The following COL5A3 variants were observed in gnomAD, a reference collection of about 807,000 sequenced individuals.
COL5A3 encodes collagen alpha-3(V) chain.
A neutral mutation model predicts 250.0 loss-of-function variants in COL5A3; 172 were observed. The ratio of observed to expected loss-of-function variants is 0.69; its 90% CI spans 0.61 to 0.78. The LOEUF is 0.78. Ranked by LOEUF, COL5A3 falls within the 30% of genes least tolerant of loss-of-function variation. The pLI is 0.00. For missense variants in COL5A3, 2,340 were observed against 2,334.4 expected (o/e 1.00, Z -0.05); for synonymous variants, 937 against 900.4 (o/e 1.04, Z -0.73).
At position 9,969,364 on chromosome 19, in the gene COL5A3, G is replaced by A. The variant is rs761729191; in HGVS notation, c.4137C>T (p.Gly1379=). The A allele has an allele frequency of 1.2e-6, 2 of 1,602,770 alleles. No individual in the cohort carries two copies. The highest frequency in any genetic ancestry group is 2.2e-5 in the East Asian group (1 of 44,632). ...PGLLGAPGQM[G]PPGPLGPSGL... ...AGTCTCTTACCAGGGGGCCAGGAGG[G>A]CCCATCTGTCCAGGGGCTCCCAGGA... The change falls in exon 57 of 67, where the codon GGC becomes GGT. Residue 1379 remains glycine, a synonymous_variant. Coordinates refer to ENST00000264828, the MANE Select transcript of COL5A3 (RefSeq NM_015719.4).
At chr19:10,006,284 T>C in intron 1 of COL5A3, 53 bp from the exon 2 acceptor site, 1 of 1,518,084 alleles carries the variant, frequency 6.6e-7, no homozygotes, top group Non-Finnish European at 8.9e-7. Context: ...ACAGCTAGAA[T>C]AAGCCCAGGA....
Position 9,970,959 on chromosome 19 carries a change from C to T in COL5A3, c.3882+16G>A, listed in dbSNP as rs762915189. On this transcript the variant is annotated intron_variant, in intron 53 of 66. Transcript: ENST00000264828. ...AACCCCCGCCTCAGCACCACACCCT[C>T]TGTTTTCCCACTCACCGGTCCCCCA... 1 of 1,565,620 alleles carries T rather than the reference C, an allele frequency of 6.4e-7. No individual in the cohort carries two copies. The highest frequency in any genetic ancestry group is 8.6e-7 in the Non-Finnish European group (1 of 1,159,414).
rs2087498569 is a variant in COL5A3 at position 10,009,696 on chromosome 19, G to A, written c.88+602C>T. On this transcript the variant is annotated intron_variant, in intron 1 of 66. Transcript: ENST00000264828. This position sits in a 1 kb window ranked among gnomAD's most constrained non-coding sequence, Gnocchi z 4.4. ...GGAGGAAAAGGGAGAATGAGGTGAA[G>A]CCATTTAAAGAGACGCAAAGGAAAC... 2.6e-5 allele frequency among the ~76,000 whole-genome samples: 4 copies of A among 152,034 alleles called. No individual in the cohort carries two copies. The South Asian group carries it at 8.3e-4, about 31-fold the overall frequency.
chr19:9,976,210 C>T (rs1410098211), intron 45 of COL5A3, among the ~76,000 whole-genome samples: 1 of 151,650 alleles, frequency 6.6e-6, no homozygotes, highest in African/African-American at 2.4e-5. Context: ...GTTGAGTTCA[C>T]ATTGGATGTT....
In COL5A3 at chr19:10,005,707, G is replaced by A. The variant is rs868682103; in HGVS notation, c.445C>T (p.Arg149Cys). The A allele has an allele frequency of 1.2e-5, 20 of 1,606,276 alleles. No individual in the cohort carries two copies. In the Middle Eastern group the frequency reaches 9.9e-4, roughly 79 times the overall value. The change falls in exon 4 of 67, where the codon CGT becomes TGT. Residue 149 changes from arginine to cysteine, a missense_variant. By Grantham distance (180) the Arg-to-Cys change is radical (BLOSUM62 -3). This residue lies in a region of COL5A3 where 1,152 missense variants were observed against 1,146.3 expected (regional missense o/e 1.00). Coordinates refer to ENST00000264828, the MANE Select transcript of COL5A3 (RefSeq NM_015719.4). The stretch of plus-strand genomic sequence containing the variant: ...TCACCATCTATGCTGACGGCCACAC[G>A]GTGCCACCTGCAAGGGGACGGCCTC... ...QVNLTDGRWH[R>C]VAVSIDGEMV...
intron 11 of COL5A3, 97 bp downstream of exon 11, chr19:9,997,274 C>T (rs748067748): frequency 1.2e-4 from 106 of 908,890 alleles, no homozygotes; most frequent in Non-Finnish European, 1.6e-4. Context: ...ATGGTGTTCC[C>T]GAGTGCCACA....
At position 9,974,378 on chromosome 19, in the gene COL5A3, G is replaced by C; in HGVS notation, c.3373C>G (p.Pro1125Ala). Residue 1125 changes from proline to alanine, a missense_variant, in exon 46 of 67, where the codon CCC becomes GCC. Transcript: ENST00000264828. ...CCTTTCTGCCCAAAGAGGCCTGGGG[G>C]TCCCCGGCGCCCCTGAGCCCCGTCT... ...GADGAQGRRG[P>A]PGLFGQKGDD... The C allele has an allele frequency of 6.2e-7, 1 of 1,609,716 alleles. No individual in the cohort carries two copies. Among genetic ancestry groups the C allele is most frequent in the East Asian group, 2.2e-5 (1 of 44,828 alleles).
At chr19:9,973,058 C>G in intron 50 of COL5A3, 32 bp from the exon 51 acceptor site, 1 of 1,553,526 alleles carries the variant, frequency 6.4e-7, no homozygotes, top group Non-Finnish European at 8.8e-7. Context: ...GTCAGAGTGG[C>G]CTGGACTCTC....
intron 16 of COL5A3, among the ~76,000 whole-genome samples, chr19:9,994,318 A>G (rs1235408016): frequency 2.0e-5 from 3 of 151,494 alleles, no homozygotes; most frequent in African/African-American, 4.9e-5. Context: ...AGCTGGGACT[A>G]CAAGTGCACA....
intron 31 of COL5A3, among the ~76,000 whole-genome samples, chr19:9,983,475 A>G (rs1053916908): frequency 2.0e-5 from 3 of 151,392 alleles, no homozygotes; most frequent in African/African-American, 7.3e-5. Context: ...TCCAGCCTGA[A>G]TGACAGAGTG....
chr19:9,993,646 A>T lies in COL5A3; in HGVS notation c.1668T>A (p.Pro556=). Residue 556 remains proline (P), a synonymous_variant, in exon 18 of 67, where the codon CCT becomes CCA. Transcript: ENST00000264828. ...TTTGGCCCTTCTCACCAGGCAGCCC[A>T]GGGAGGCCATCGAAGCCACGATCAC... ...PKGDRGFDGL[P]GLPGEKGQRG... 6.2e-7 allele frequency: 1 copy of T among 1,613,910 alleles called. No homozygotes were observed. Among genetic ancestry groups the T allele is most frequent in the South Asian group, 1.1e-5 (1 of 91,062 alleles).
At chr19:9,970,902 G>GGC in intron 53 of COL5A3, 73 bp downstream of exon 53, 3 of 1,306,560 alleles carry the variant, frequency 2.3e-6, no homozygotes, top group Non-Finnish European at 3.1e-6. Flanking sequence ...CCACTCCCCT[G>GGC]CCCCCCCAAT....
chr19:9,978,420 C>T (rs2086953848), intron 41 of COL5A3, among the ~76,000 whole-genome samples, 154 bp downstream of exon 41: 1 of 152,000 alleles, frequency 6.6e-6, no homozygotes, highest in Non-Finnish European at 1.5e-5. Flanking sequence ...GACGGGGTTC[C>T]ACCATGTTGG....
intron 9 of COL5A3, 38 bp downstream of exon 9, chr19:9,998,064 T>C: frequency 6.2e-7 from 1 of 1,614,024 alleles, no homozygotes; most frequent in Non-Finnish European, 8.5e-7. Context: ...GCTGTCATCA[T>C]GAAGCCTCTC....
intron 16 of COL5A3, 52 bp from the exon 17 acceptor site, chr19:9,993,858 C>T: frequency 2.0e-6 from 3 of 1,517,780 alleles, no homozygotes; most frequent in Non-Finnish European, 1.8e-6. Flanking sequence ...CTGTACCCCT[C>T]CACCAAATTA....
rs2015254442 is a variant in COL5A3 at position 9,993,817 on chromosome 19, A to G, written c.1588-11T>C. The G allele has an allele frequency of 1.2e-6, 2 of 1,613,822 alleles. No homozygotes were observed. The highest frequency in any genetic ancestry group is 1.7e-6 in the Non-Finnish European group (2 of 1,179,856). Reference sequence around the variant, plus strand: ...TGCTCCAGGGCGGCCCTATGGAGAAAGTAAGCCCAAGAGTCAAGGATGAGC... The same window carrying G: ...TGCTCCAGGGCGGCCCTATGGAGAAGGTAAGCCCAAGAGTCAAGGATGAGC... On this transcript the variant is annotated splice_polypyrimidine_tract_variant and intron_variant, in intron 16 of 66. Coordinates refer to ENST00000264828, the MANE Select transcript of COL5A3 (RefSeq NM_015719.4).
chr19:9,977,783 G>T, intron 41 of COL5A3, 82 bp from the exon 42 acceptor site: 1 of 1,136,130 alleles, frequency 8.8e-7, no homozygotes, highest in Non-Finnish European at 1.2e-6. Context: ...CAGGCACTGA[G>T]TTCTGAGGTT....
chr19:9,983,608 G>GA (rs1568418887), intron 31 of COL5A3, among the ~76,000 whole-genome samples: 4 of 100,636 alleles, frequency 4.0e-5, no homozygotes, highest in Non-Finnish European at 8.5e-5. Context: ...AAGAGAAAGA[G>GA]AGAGAGAGAG....
Position 9,993,789 on chromosome 19 carries a change from A to G in COL5A3, c.1605T>C (p.Asp535=). The change falls in exon 17 of 67, where the codon GAT becomes GAC. Residue 535 remains aspartate (D), a synonymous_variant. Coordinates refer to ENST00000264828, the MANE Select transcript of COL5A3 (RefSeq NM_015719.4). ...RVGKMGRPGA[D]GARGLPGDTG... is the part of the protein sequence containing the mutation. ...TGTCCCCTGGGAGGCCCCGAGCTCC[A>G]TCTGCTCCAGGGCGGCCCTATGGAG... 6.2e-7 allele frequency: 1 copy of G among 1,614,190 alleles called. No homozygotes were observed. Among genetic ancestry groups the G allele is most frequent in the Non-Finnish European group, 8.5e-7 (1 of 1,180,028 alleles).
Sources: allele counts gnomAD v4.1 joint callset (sites outside exome capture counted in the v4.1 genomes callset), GRCh38; gene constraint gnomAD v4.1.1; regional missense constraint gnomAD v4.1.1; non-coding constraint Gnocchi (gnomAD v3.1); transcripts MANE v1.5; gene names NCBI Gene and HGNC (gene_info 2026-07-23, HGNC 2026-07-21).